MED12L: variants seen among roughly 807,000 people sequenced by gnomAD.
MED12L encodes the protein mediator of RNA polymerase II transcription subunit 12-like protein.
Under a neutral mutation model 281.3 loss-of-function variants are expected in MED12L, and 60 were observed. The observed-to-expected ratio is 0.21, with a 90% CI of 0.17 to 0.26. MED12L has a LOEUF of 0.26. MED12L is among the 10% of genes least tolerant of loss of function. The pLI is 1.00. For missense variants in MED12L, 2,146 were observed against 2,680.9 expected (o/e 0.80, Z 4.41); for synonymous variants, 974 against 987.2 (o/e 0.99, Z 0.25).
chr3:151,095,522 G>A (rs943493172), intron 2 of MED12L, among the ~76,000 whole-genome samples: 4 of 152,010 alleles, frequency 2.6e-5, no homozygotes, highest in African/African-American at 7.3e-5. Flanking sequence ...ATTTTTAGTC[G>A]AGATGGACTT....
intron 37 of MED12L, 43 bp downstream of exon 37, chr3:151,388,215 A>T: frequency 6.5e-7 from 1 of 1,543,172 alleles, no homozygotes; most frequent in South Asian, 1.2e-5. Context: ...ATTAGCATTT[A>T]GTATGAGATT....
At chr3:151,087,145 A>G in intron 2 of MED12L, 120 bp downstream of exon 2, 1 of 800,906 alleles carries the variant, frequency 1.2e-6, no homozygotes, top group South Asian at 1.9e-5. Flanking sequence ...GAGGGGGATT[A>G]GAGGCGGGGG....
chr3:151,145,124 G>A (rs1180070781), intron 5 of MED12L, among the ~76,000 whole-genome samples: 1 of 152,194 alleles, frequency 6.6e-6, no homozygotes, highest in East Asian at 1.9e-4. Context: ...GCAAGTAACT[G>A]AAGCACCCAG....
At chr3:151,156,102 A>G (rs931545458) in intron 5 of MED12L, 59 bp from the exon 6 acceptor site, 10 of 1,389,460 alleles carry the variant, frequency 7.2e-6, no homozygotes, top group Non-Finnish European at 7.9e-6. Flanking sequence ...GGAAGAAAAC[A>G]TGTAATTCTT....
chr3:151,395,701 C>T (rs1714868906), intron 39 of MED12L, among the ~76,000 whole-genome samples: 1 of 152,212 alleles, frequency 6.6e-6, no homozygotes, highest in Non-Finnish European at 1.5e-5. Flanking sequence ...GATGTATTAG[C>T]TATCTTAAGA....
chr3:151,233,788 ATTCTTG>A (rs1305934750), intron 16 of MED12L, among the ~76,000 whole-genome samples: 1 of 152,200 alleles, frequency 6.6e-6, no homozygotes, highest in Non-Finnish European at 1.5e-5. Context: ...TCCCACAGGC[ATTCTTG>A]GATCGTTCCT....
chr3:151,402,856 G>T (rs1464976020), intron 39 of MED12L, among the ~76,000 whole-genome samples: 1 of 151,952 alleles, frequency 6.6e-6, no homozygotes, highest in Non-Finnish European at 1.5e-5. Context: ...ATGTATTTTG[G>T]CTACCCACGT....
chr3:151,310,628 T>C, intron 16 of MED12L, among the ~76,000 whole-genome samples: 1 of 152,232 alleles, frequency 6.6e-6, no homozygotes, highest in East Asian at 1.9e-4. Flanking sequence ...CCCAACACCA[T>C]CTGATAGGGA....
intron 15 of MED12L, among the ~76,000 whole-genome samples, 155 bp downstream of exon 15, chr3:151,192,809 T>C (rs1291231000): frequency 2.6e-5 from 4 of 152,208 alleles, no homozygotes; most frequent in African/African-American, 9.7e-5. Flanking sequence ...TCTGACACAA[T>C]TGGGTCATCC....
intron 16 of MED12L, among the ~76,000 whole-genome samples, chr3:151,323,726 A>T (rs770201232): frequency 2.0e-5 from 3 of 152,114 alleles, no homozygotes; most frequent in Non-Finnish European, 4.4e-5. Context: ...AGTCATTATA[A>T]TCTGTGTTCC....
At chr3:151,093,680 A>G (rs949606445) in intron 2 of MED12L, among the ~76,000 whole-genome samples, 1 of 152,204 alleles carries the variant, frequency 6.6e-6, no homozygotes, top group African/African-American at 2.4e-5. Context: ...ATAGCAGAGG[A>G]GAGTTTTATG....
At position 151,152,085 on chromosome 3, in the gene MED12L, G is replaced by GTTTTTTTTT. The variant is rs141353889; in HGVS notation, c.557-4053_557-4045dup. On this transcript the variant is annotated intron_variant, in intron 5 of 44. Coordinates refer to ENST00000687756, the MANE Select transcript of MED12L (RefSeq NM_001393769.1). ...AAGAATTGTGGATCAGTTGAAGGTG[G>GTTTTTTTTT]TTTTTTTTTTTTTTTTTTTTTTTTT... Among the ~76,000 whole-genome samples, 31 of 63,018 alleles carry GTTTTTTTTT rather than the reference G, an allele frequency of 4.9e-4. 4 individuals are homozygous for GTTTTTTTTT. Among genetic ancestry groups the GTTTTTTTTT allele is most frequent in the African/African-American group, 1.5e-3 (24 of 16,008 alleles). 41.3% of individuals were successfully genotyped at this position (63,018 alleles called of 152,430 possible).
Position 151,425,222 on chromosome 3 carries a change from C to T in MED12L, c.6409-5077C>T, listed in dbSNP as rs1178943782. On this transcript the variant is annotated intron_variant, in intron 43 of 44. Coordinates refer to ENST00000687756, the MANE Select transcript of MED12L (RefSeq NM_001393769.1). Reference sequence around the variant, plus strand: ...TTTTGTCAGCATATGCTTTCGCTGACGGGGCAAGCTCAAGTTTTGAGACAA... The same window carrying T: ...TTTTGTCAGCATATGCTTTCGCTGATGGGGCAAGCTCAAGTTTTGAGACAA... 5.3e-5 allele frequency among the ~76,000 whole-genome samples: 8 copies of T among 152,150 alleles called. No homozygotes were observed. In the South Asian group the frequency reaches 1.2e-3, roughly 24 times the overall value.
In MED12L at chr3:151,380,206, C is replaced by G; in HGVS notation, c.4572C>G (p.Leu1524=). Residue 1524 remains leucine (L), a synonymous_variant, in exon 32 of 45, where the codon CTC becomes CTG. Transcript: ENST00000687756. ...DEQREGLLTS[L]QNQVNQILSN... is the part of the protein sequence containing the mutation. The stretch of plus-strand genomic sequence containing the variant: ...AAAGGGAAGGCCTCCTAACATCTCT[C>G]CAGAATCAAGTTAACCAGGTAAAGT... The G allele has an allele frequency of 6.2e-7, 1 of 1,603,562 alleles. No homozygotes were observed. The highest frequency in any genetic ancestry group is 1.1e-5 in the South Asian group (1 of 90,160).
intron 16 of MED12L, among the ~76,000 whole-genome samples, chr3:151,287,340 G>A (rs1355148269): frequency 2.0e-5 from 3 of 152,268 alleles, no homozygotes; most frequent in Admixed American, 1.3e-4. Context: ...ACTTGCTACT[G>A]CTGGGGTTGA....
intron 16 of MED12L, chr3:151,269,792 A>G: frequency 2.4e-6 from 1 of 420,368 alleles, no homozygotes; most frequent in Non-Finnish European, 4.7e-6. Flanking sequence ...ACTGAAGTCA[A>G]ATGCAAATCT....
intron 16 of MED12L, among the ~76,000 whole-genome samples, chr3:151,204,882 C>T (rs985592534): frequency 6.6e-6 from 1 of 152,162 alleles, no homozygotes; most frequent in Admixed American, 6.5e-5. Context: ...TTGAAAAGTA[C>T]AAACAATTGT....
intron 5 of MED12L, among the ~76,000 whole-genome samples, chr3:151,128,853 G>A (rs549232173): frequency 1.2e-4 from 19 of 152,306 alleles, no homozygotes; most frequent in East Asian, 1.2e-3. Context: ...AAAATGTAAG[G>A]CCCATAAGGG....
At chr3:151,214,078 C>T in intron 16 of MED12L, 1 of 1,614,106 alleles carries the variant, frequency 6.2e-7, no homozygotes, top group Non-Finnish European at 8.5e-7. Flanking sequence ...GCCTGAGTCA[C>T]CAAGGATCTT....
Sources: allele counts gnomAD v4.1 joint callset (sites outside exome capture counted in the v4.1 genomes callset), GRCh38; gene constraint gnomAD v4.1.1; transcripts MANE v1.5; gene names NCBI Gene and HGNC (gene_info 2026-07-23, HGNC 2026-07-21).